RPA3: variants seen among roughly 807,000 people sequenced by gnomAD.
The protein encoded by RPA3 is replication protein A3, also known as replication protein A 14 kDa subunit.
RPA3 carries 24 observed loss-of-function variants against 13.7 expected under a neutral mutation model. The observed-to-expected ratio is 1.75, with a 90% confidence interval of 1.27 to 2.46. RPA3 has a LOEUF of 2.46. Among genes scored for constraint, RPA3 ranks in the 30% most tolerant of loss-of-function variants. The pLI is 0.00. For synonymous variants in RPA3, 59 were observed against 51.2 expected, an observed-to-expected ratio of 1.15 and a Z score of -0.65; for missense variants, 183 against 151.0, an observed-to-expected ratio of 1.21 and a Z score of -1.11.
intron 2 of RPA3, among the ~76,000 whole-genome samples, chr7:7,706,309 T>G (rs1780597976): frequency 6.6e-6 from 1 of 151,636 alleles, no homozygotes; most frequent in Non-Finnish European, 1.5e-5. Context: ...CTAGAAGAGG[T>G]GGAAGTAGTG....
intron 6 of RPA3, 87 bp downstream of exon 6, chr7:7,638,983 G>T: frequency 9.4e-7 from 1 of 1,059,068 alleles, no homozygotes; most frequent in Non-Finnish European, 1.3e-6. Context: ...TAAATCCATT[G>T]CAAAAATTAG....
chr7:7,696,383 T>C (rs1020857613), intron 2 of RPA3, among the ~76,000 whole-genome samples: 1 of 152,006 alleles, frequency 6.6e-6, no homozygotes, highest in African/African-American at 2.4e-5. Context: ...TGTGAAATCA[T>C]ATTAGATCTT....
chr7:7,677,181 T>A (rs893520287), intron 4 of RPA3, among the ~76,000 whole-genome samples: 9 of 152,198 alleles, frequency 5.9e-5, no homozygotes, highest in Non-Finnish European at 1.3e-4. Flanking sequence ...AGGCATATAA[T>A]GTGTAGTGAT....
chr7:7,711,622 A>C (rs1780766537), intron 2 of RPA3, among the ~76,000 whole-genome samples: 1 of 151,992 alleles, frequency 6.6e-6, no homozygotes, highest in African/African-American at 2.4e-5. Context: ...ATTTTTATTT[A>C]TGTTTAATAG....
At chr7:7,665,014 T>TAC (rs563963870) in intron 4 of RPA3, among the ~76,000 whole-genome samples, 136 of 148,058 alleles carry the variant, frequency 9.2e-4, no homozygotes, top group Middle Eastern at 3.7e-3. Flanking sequence ...TATATATATA[T>TAC]ACACACACAC....
At chr7:7,693,234 C>G (rs1027071425) in intron 2 of RPA3, among the ~76,000 whole-genome samples, 7 of 152,098 alleles carry the variant, frequency 4.6e-5, no homozygotes, top group African/African-American at 1.7e-4. Context: ...CTTCTTGTTT[C>G]CAGTATACAA....
intron 2 of RPA3, among the ~76,000 whole-genome samples, chr7:7,688,610 A>T (rs1213943746): frequency 6.6e-6 from 1 of 152,004 alleles, no homozygotes; most frequent in East Asian, 1.9e-4. Flanking sequence ...TCTCTTTTTG[A>T]TCTCATGTTG....
intron 4 of RPA3, 119 bp downstream of exon 4, chr7:7,685,706 CTTCTT>C (rs1219410378): frequency 2.6e-5 from 4 of 152,160 alleles, no homozygotes; most frequent in Non-Finnish European, 4.4e-5. Context: ...TTGTACTTTT[CTTCTT>C]TTCTTTCCTT....
Position 7,646,882 on chromosome 7 carries a change from G to C in RPA3, c.-757-5707C>G, listed in dbSNP as rs567994029. Among the ~76,000 whole-genome samples the C allele has an allele frequency of 2.6e-5, 4 of 152,230 alleles. No homozygotes were observed. In the South Asian group the frequency reaches 8.3e-4, roughly 32 times the overall value. On this transcript the variant is annotated intron_variant, in intron 4 of 7. Coordinates refer to ENST00000223129, the MANE Select transcript of RPA3 (RefSeq NM_002947.5). ...TTGGGGTTTATATGGGCACAGAATA[G>C]GGGTGACATATTGGGCCAAAAGGCA...
At chr7:7,713,841 T>A (rs1309917975) in intron 2 of RPA3, among the ~76,000 whole-genome samples, 1 of 152,160 alleles carries the variant, frequency 6.6e-6, no homozygotes, top group African/African-American at 2.4e-5. Flanking sequence ...TTAAAAAAAT[T>A]TTTTCTAGAG....
In RPA3 at chr7:7,640,436, G is replaced by A. The variant is rs759626467; in HGVS notation, c.-18C>T. On this transcript the variant is annotated 5_prime_UTR_variant, in exon 5 of 8. Transcript: ENST00000223129. ...TCCACCATGATTATGGTCCAAGACTGCGGCTGGCGGGAAACCCACGGACGA... is the reference window on the plus strand; with the variant it reads ...TCCACCATGATTATGGTCCAAGACTACGGCTGGCGGGAAACCCACGGACGA... 3.7e-6 allele frequency: 6 copies of A among 1,611,704 alleles called. No individual in the cohort carries two copies. The highest frequency in any genetic ancestry group is 2.7e-5 in the African/African-American group (2 of 74,812).
chr7:7,714,110 T>C (rs1780833378), intron 2 of RPA3, among the ~76,000 whole-genome samples: 1 of 152,268 alleles, frequency 6.6e-6, no homozygotes, highest in African/African-American at 2.4e-5. Context: ...ATTTTTAATT[T>C]AATGTCCTGT....
chr7:7,685,607 C>T (rs371881078), intron 4 of RPA3, among the ~76,000 whole-genome samples: 83 of 152,302 alleles, frequency 5.4e-4, no homozygotes, highest in African/African-American at 1.9e-3. Flanking sequence ...CGTGCCCGGC[C>T]ACATTAATCT....
At chr7:7,667,548 A>T (rs929190878) in intron 4 of RPA3, among the ~76,000 whole-genome samples, 1 of 152,188 alleles carries the variant, frequency 6.6e-6, no homozygotes, top group Non-Finnish European at 1.5e-5. Flanking sequence ...GTTCACTGCT[A>T]CACCTACAGT....
At chr7:7,707,257 A>G (rs1210480026) in intron 2 of RPA3, among the ~76,000 whole-genome samples, 1 of 152,184 alleles carries the variant, frequency 6.6e-6, no homozygotes, top group Non-Finnish European at 1.5e-5. Context: ...TCTGCCTACA[A>G]TATTAATATG....
At chr7:7,690,239 A>C (rs1305038393) in intron 2 of RPA3, among the ~76,000 whole-genome samples, 1 of 152,174 alleles carries the variant, frequency 6.6e-6, no homozygotes, top group African/African-American at 2.4e-5. Flanking sequence ...ACATATTTGG[A>C]AATGTATTTC....
At position 7,689,649 on chromosome 7, in the gene RPA3, C is replaced by T. The variant is rs1363035280; in HGVS notation, c.-1027-2321G>A. On this transcript the variant is annotated intron_variant, in intron 2 of 7. Coordinates refer to ENST00000223129, the MANE Select transcript of RPA3 (RefSeq NM_002947.5). ...CATGGAAATGTATTTATATGTATAT[C>T]TCAGTAAAGCTCTTCAGTCTGTGTC... is the stretch of plus-strand genomic sequence containing the variant. 3.3e-5 allele frequency among the ~76,000 whole-genome samples: 5 copies of T among 152,242 alleles called. No individual in the cohort carries two copies. In the South Asian group the frequency reaches 1.0e-3, roughly 32 times the overall value.
chr7:7,649,888 T>C (rs974582551), intron 4 of RPA3, among the ~76,000 whole-genome samples: 4 of 152,186 alleles, frequency 2.6e-5, no homozygotes, highest in African/African-American at 9.6e-5. Context: ...CCTTCAACCA[T>C]ATGAAATTAT....
intron 2 of RPA3, among the ~76,000 whole-genome samples, chr7:7,714,287 G>A (rs957303388): frequency 1.8e-4 from 27 of 152,218 alleles, no homozygotes; most frequent in African/African-American, 6.5e-4. Context: ...GATGTTGACA[G>A]CATCTAGTTT....
Sources: allele counts gnomAD v4.1 joint callset (sites outside exome capture counted in the v4.1 genomes callset), GRCh38; gene constraint gnomAD v4.1.1; transcripts MANE v1.5; gene names NCBI Gene and HGNC (gene_info 2026-07-23, HGNC 2026-07-21).